The following LRRC4C variants were observed in gnomAD, a reference collection of about 807,000 sequenced individuals.
LRRC4C encodes the protein leucine-rich repeat-containing protein 4C.
Under a neutral mutation model 33.6 loss-of-function variants are expected in LRRC4C, and 5 were observed. That is an observed-to-expected ratio of 0.15 (90% CI 0.08 to 0.31). The LOEUF is 0.31. Among genes scored for constraint, LRRC4C ranks in the 10% least tolerant of loss-of-function variants. LRRC4C has a pLI of 1.00. For synonymous variants in LRRC4C, 329 were observed against 302.0 expected (o/e 1.09, Z -0.93); for missense variants, 560 against 796.7 (o/e 0.70, Z 3.58).
At chr11:40,232,936 C>T (rs938992670) in intron 5 of LRRC4C, among the ~76,000 whole-genome samples, 3 of 152,294 alleles carry the variant, frequency 2.0e-5, no homozygotes, top group East Asian at 1.9e-4. Context: ...CTTAAACTTT[C>T]CGTTGGCTTG....
intron 2 of LRRC4C, among the ~76,000 whole-genome samples, chr11:40,664,856 T>C (rs1006610779): frequency 2.0e-5 from 3 of 152,078 alleles, no homozygotes; most frequent in Non-Finnish European, 4.4e-5. Context: ...ACATGTGCCA[T>C]GTTGGTGTGC....
At chr11:40,558,916 T>C (rs942302320) in intron 3 of LRRC4C, among the ~76,000 whole-genome samples, 1 of 152,176 alleles carries the variant, frequency 6.6e-6, no homozygotes, top group Non-Finnish European at 1.5e-5. Flanking sequence ...GTTCATAAGT[T>C]CTTATCATTT....
At chr11:40,340,943 C>T (rs529048082) in intron 3 of LRRC4C, among the ~76,000 whole-genome samples, 3 of 152,234 alleles carry the variant, frequency 2.0e-5, no homozygotes, top group African/African-American at 4.8e-5. Context: ...CCAGTAATCT[C>T]GACCTCACAA....
chr11:40,541,264 C>T (rs867822778), intron 3 of LRRC4C, among the ~76,000 whole-genome samples: 5 of 152,064 alleles, frequency 3.3e-5, no homozygotes, highest in Admixed American at 6.6e-5. Context: ...TTACTACAGC[C>T]TCAAACTCCT....
At chr11:40,153,306 AC>A (rs1381031528) in intron 5 of LRRC4C, among the ~76,000 whole-genome samples, 3 of 152,120 alleles carry the variant, frequency 2.0e-5, no homozygotes, top group African/African-American at 7.2e-5. Flanking sequence ...TCAGCCTTAG[AC>A]CTTCCCTTTG....
intron 3 of LRRC4C, among the ~76,000 whole-genome samples, chr11:40,647,788 CAAG>C (rs1942555650): frequency 6.6e-6 from 1 of 152,134 alleles, no homozygotes; most frequent in Non-Finnish European, 1.5e-5. Context: ...TTCTGAATCC[CAAG>C]AAGGACAATC....
intron 1 of LRRC4C, among the ~76,000 whole-genome samples, chr11:41,171,904 G>T (rs1178139673): frequency 6.6e-6 from 1 of 151,954 alleles, no homozygotes; most frequent in Non-Finnish European, 1.5e-5. Context: ...CAGGCCAGCT[G>T]CTGGGAAAAA....
rs1023415687 is a variant in LRRC4C, at chr11:40,685,020, T to A, written c.-406-36742A>T. Among the ~76,000 whole-genome samples, 3 of 152,164 alleles carry A rather than the reference T, an allele frequency of 2.0e-5. No homozygotes were observed. The East Asian group carries it at 5.8e-4, about 29-fold the overall frequency. On this transcript the variant is annotated intron_variant, in intron 2 of 6. Transcript: ENST00000528697. ...GAAAAATATGAATAGTAGGTATAAA[T>A]AAGTTTCTTAACAAAGAGAAAACCC...
At chr11:40,720,770 T>C (rs1946972839) in intron 2 of LRRC4C, among the ~76,000 whole-genome samples, 1 of 152,226 alleles carries the variant, frequency 6.6e-6, no homozygotes, top group South Asian at 2.1e-4. Context: ...AAGATACGCC[T>C]TCTGTTTAAT....
chr11:40,971,965 T>G (rs1851755347), intron 1 of LRRC4C, among the ~76,000 whole-genome samples: 6 of 152,288 alleles, frequency 3.9e-5, no homozygotes, highest in Admixed American at 3.3e-4. Context: ...ATGGGAGTAT[T>G]TACCCAATGC....
At chr11:41,005,180 T>C (rs926860870) in intron 1 of LRRC4C, among the ~76,000 whole-genome samples, 1 of 152,184 alleles carries the variant, frequency 6.6e-6, no homozygotes, top group African/African-American at 2.4e-5. Flanking sequence ...CCTCCAAATC[T>C]CATGTTGAAA....
intron 4 of LRRC4C, among the ~76,000 whole-genome samples, chr11:40,297,774 T>A (rs1944585845): frequency 6.6e-6 from 1 of 152,174 alleles, no homozygotes; most frequent in Non-Finnish European, 1.5e-5. Flanking sequence ...ACTCATGTAA[T>A]CCTTCCAACA....
chr11:40,539,808 C>T (rs930622661), intron 3 of LRRC4C, among the ~76,000 whole-genome samples: 1 of 152,056 alleles, frequency 6.6e-6, no homozygotes, highest in Admixed American at 6.6e-5. Context: ...CTGAATCAAA[C>T]TTTAAGTGAG....
chr11:40,241,007 C>T (rs970622568), intron 5 of LRRC4C, among the ~76,000 whole-genome samples: 2 of 152,172 alleles, frequency 1.3e-5, no homozygotes, highest in African/African-American at 4.8e-5. Flanking sequence ...ATCAAAATGT[C>T]TCAACGCTGT....
chr11:40,762,613 T>A (rs1949272655), intron 2 of LRRC4C, among the ~76,000 whole-genome samples: 1 of 152,130 alleles, frequency 6.6e-6, no homozygotes, highest in African/African-American at 2.4e-5. Context: ...TAAAAACAAG[T>A]CTAATGTAGT....
chr11:40,322,702 A>G (rs1001920595), intron 3 of LRRC4C, among the ~76,000 whole-genome samples: 4 of 152,116 alleles, frequency 2.6e-5, no homozygotes, highest in African/African-American at 9.7e-5. Context: ...TCATCTTTCT[A>G]TGGGTCACTA....
intron 1 of LRRC4C, among the ~76,000 whole-genome samples, chr11:41,179,036 T>G (rs986503311): frequency 6.6e-6 from 1 of 152,132 alleles, no homozygotes. Flanking sequence ...ATAAGTAATT[T>G]GCATGGTCCT....
intron 1 of LRRC4C, among the ~76,000 whole-genome samples, chr11:41,422,317 C>G (rs867459011): frequency 6.6e-6 from 1 of 152,078 alleles, no homozygotes; most frequent in Middle Eastern, 3.4e-3. Context: ...AATCCCTTCT[C>G]CTTGTCAGTA....
At chr11:41,230,446 C>T (rs540404593) in intron 1 of LRRC4C, among the ~76,000 whole-genome samples, 12 of 152,166 alleles carry the variant, frequency 7.9e-5, no homozygotes, top group African/African-American at 2.6e-4. Flanking sequence ...CTTTCTCAGC[C>T]TCCTTTACCT....
Sources: gnomAD v4.1 joint callset for allele counts (sites outside exome capture counted in the v4.1 genomes callset) on GRCh38, gnomAD v4.1.1 for gene constraint, MANE v1.5 for transcripts, NCBI Gene and HGNC (gene_info 2026-07-23, HGNC 2026-07-21) for gene names.